Variants in BEND4 observed in about 807,000 individuals in gnomAD.
BEND4 encodes BEN domain-containing protein 4.
BEND4 carries 27 observed loss-of-function variants against 54.7 expected under a neutral mutation model. The ratio of observed to expected loss-of-function variants is 0.49; its 90% CI spans 0.36 to 0.68. The LOEUF is 0.68. BEND4 is among the 30% of genes least tolerant of loss of function. The pLI, the probability that BEND4 is intolerant of heterozygous loss-of-function variation, is 0.00. For synonymous variants in BEND4, 327 were observed against 299.5 expected (o/e 1.09, Z -0.95); for missense variants, 702 against 697.2 (o/e 1.01, Z -0.08).
At chr4:42,121,335 C>T (rs918933073) in intron 4 of BEND4, among the ~76,000 whole-genome samples, 12 of 152,152 alleles carry the variant, frequency 7.9e-5, no homozygotes, top group East Asian at 3.9e-4. Context: ...GAAACCGGCA[C>T]GGAGTTCTGC....
intron 3 of BEND4, among the ~76,000 whole-genome samples, chr4:42,133,650 C>T (rs1199864408): frequency 6.6e-6 from 1 of 151,744 alleles, no homozygotes; most frequent in Admixed American, 6.5e-5. Context: ...GTCAGGAGAT[C>T]GAGACCATCC....
At chr4:42,151,454 G>C in intron 2 of BEND4, 1 of 416,224 alleles carries the variant, frequency 2.4e-6, no homozygotes, top group Non-Finnish European at 4.0e-6. Context: ...CCTGTTAGGC[G>C]CGCGCCGTCG....
In BEND4 at chr4:42,111,057, AG is replaced by A. The variant is rs1719539785; in HGVS notation, c.*6460del. ...TAGAACACCTGAAATAATTGGCTCT[AG>A]TAACAAATGTCTCTTATAATTAAAA... On this transcript the variant is annotated 3_prime_UTR_variant, in exon 6 of 6. Transcript: ENST00000502486. The A allele has an allele frequency of 6.6e-6, 1 of 152,240 alleles. No individual in the cohort carries two copies. The allele number at this position is 152,240 out of a possible 1,614,324, so 9.4% of individuals were successfully genotyped here.
chr4:42,138,230 G>T (rs528961737), intron 3 of BEND4, among the ~76,000 whole-genome samples: 3 of 152,266 alleles, frequency 2.0e-5, no homozygotes, highest in South Asian at 2.1e-4. Flanking sequence ...TATATTATTG[G>T]ATAGAGTATT....
rs1192218395 is a variant in BEND4 at position 42,117,418 on chromosome 4, GGCA to G, written c.*97_*99del. On this transcript the variant is annotated 3_prime_UTR_variant, in exon 6 of 6. Transcript: ENST00000502486. ...TGGCAGCTGAGAATGTGTAGACTAT[GGCA>G]GAATGACAGGCTTTGGACTCTCAGG... 2.8e-5 allele frequency: 23 copies of G among 822,150 alleles called. No individual in the cohort carries two copies. The highest frequency in any genetic ancestry group is 4.3e-5 in the Non-Finnish European group (22 of 516,302). The allele number at this position is 822,150 out of a possible 1,614,324, so 50.9% of individuals were successfully genotyped here. A position where few individuals can be genotyped will look rare whatever the true frequency, so the allele number is the denominator to read the frequency against.
intron 2 of BEND4, among the ~76,000 whole-genome samples, chr4:42,149,530 C>G (rs537507443): frequency 6.6e-6 from 1 of 152,238 alleles, no homozygotes; most frequent in African/African-American, 2.4e-5. Flanking sequence ...TCTATGACCT[C>G]CTTAAAAACA....
rs1720242467 is a variant in BEND4 at position 42,125,579 on chromosome 4, C to T, written c.1146+4G>A. ...GAACATTCACCTTTTTACCAGAGAC[C>T]TACCTCTGTCGGCTGGTCAGCTGGC... On this transcript the variant is annotated splice_donor_region_variant and intron_variant, in intron 4 of 5. Transcript: ENST00000502486. 2 of 1,609,530 alleles carry T rather than the reference C, an allele frequency of 1.2e-6. No homozygotes were observed. Among genetic ancestry groups the T allele is most frequent in the South Asian group, 2.2e-5 (2 of 90,978 alleles).
chr4:42,125,207 C>A (rs143710788), intron 4 of BEND4, among the ~76,000 whole-genome samples: 16 of 152,300 alleles, frequency 1.1e-4, no homozygotes, highest in African/African-American at 3.8e-4. Flanking sequence ...CCTATCTGCA[C>A]ACTGAAGAAT....
rs1719883808 is a variant in BEND4 at position 42,117,453 on chromosome 4, G to C, written c.*65C>G. 3 of 1,167,172 alleles carry C rather than the reference G, an allele frequency of 2.6e-6. No homozygotes were observed. Among genetic ancestry groups the C allele is most frequent in the East Asian group, 2.5e-5 (1 of 39,624 alleles). The allele number at this position is 1,167,172 out of a possible 1,614,324, so 72.3% of individuals were successfully genotyped here. A position where few individuals can be genotyped will look rare whatever the true frequency, so the allele number is the denominator to read the frequency against. On this transcript the variant is annotated 3_prime_UTR_variant, in exon 6 of 6. Transcript: ENST00000502486. ...CAGGCTTTGGACTCTCAGGTGACAGGAACAGGACATTCACAATTGGAACTC... is the reference window on the plus strand; with the variant it reads ...CAGGCTTTGGACTCTCAGGTGACAGCAACAGGACATTCACAATTGGAACTC...
At chr4:42,147,887 T>C (rs903649847) in intron 2 of BEND4, among the ~76,000 whole-genome samples, 1 of 152,134 alleles carries the variant, frequency 6.6e-6, no homozygotes, top group Admixed American at 6.5e-5. Flanking sequence ...CGCCCCTCTT[T>C]GTAAGTAAAG....
chr4:42,143,358 TACAC>T (rs1209276556), intron 3 of BEND4, 66 bp downstream of exon 3: 2 of 1,328,010 alleles, frequency 1.5e-6, no homozygotes, highest in East Asian at 2.5e-5. Context: ...AGTACAGAAA[TACAC>T]AGACAGATGA....
At chr4:42,138,552 A>G (rs1163396250) in intron 3 of BEND4, among the ~76,000 whole-genome samples, 3 of 152,196 alleles carry the variant, frequency 2.0e-5, no homozygotes, top group Non-Finnish European at 2.9e-5. Flanking sequence ...ACTTGAGATT[A>G]AGGCTATCGA....
At chr4:42,122,924 C>T (rs548085548) in intron 4 of BEND4, among the ~76,000 whole-genome samples, 1 of 152,212 alleles carries the variant, frequency 6.6e-6, no homozygotes, top group Non-Finnish European at 1.5e-5. Flanking sequence ...TTTGCTGTGC[C>T]CCTGAAAATG....
At chr4:42,142,148 GC>G (rs569133774) in intron 3 of BEND4, among the ~76,000 whole-genome samples, 2 of 150,956 alleles carry the variant, frequency 1.3e-5, no homozygotes, top group Admixed American at 6.6e-5. Context: ...CTTGTGATCC[GC>G]CCCCCCTCGG....
intron 4 of BEND4, among the ~76,000 whole-genome samples, chr4:42,121,195 T>C (rs1219548235): frequency 1.3e-5 from 2 of 152,314 alleles, no homozygotes; most frequent in Non-Finnish European, 2.9e-5. Flanking sequence ...GCAAATTTAC[T>C]ACAGGTTATA....
At chr4:42,126,163 T>C (rs1194743785) in intron 3 of BEND4, among the ~76,000 whole-genome samples, 1 of 152,216 alleles carries the variant, frequency 6.6e-6, no homozygotes, top group African/African-American at 2.4e-5. Context: ...TGCTATAGTT[T>C]GGAAAGAATT....
In BEND4 at chr4:42,152,290, C is replaced by CCGG. The variant is rs1474870871; in HGVS notation, c.-148_-147insCCG. ...GTCTGTGCCGTGGCCGCCGCCGCCG[C>CCGG]CGCCTGTCGCTGAGGCTGGCATCGC... On this transcript the variant is annotated 5_prime_UTR_variant, in exon 2 of 6. Transcript: ENST00000502486. The CCGG allele has an allele frequency of 5.1e-6, 4 of 779,776 alleles. No individual in the cohort carries two copies. In the African/African-American group the frequency reaches 7.3e-5, roughly 14 times the overall value. The allele number at this position is 779,776 out of a possible 1,614,324, so 48.3% of individuals were successfully genotyped here.
Position 42,150,717 on chromosome 4 carries a change from C to G in BEND4, c.487+940G>C, listed in dbSNP as rs550731316. Among the ~76,000 whole-genome samples, 61 of 152,358 alleles carry G rather than the reference C, an allele frequency of 4.0e-4. No individual in the cohort carries two copies. In the Middle Eastern group the frequency reaches 0.014, roughly 34 times the overall value. The stretch of plus-strand genomic sequence containing the variant: ...CTGTGGCCTCGCAACCAGCCCATCT[C>G]GCTCCCTGCAGGCAGGCAGTGGGCT... On this transcript the variant is annotated intron_variant, in intron 2 of 5. Transcript: ENST00000502486.
chr4:42,121,973 G>C (rs1720081607), intron 4 of BEND4, among the ~76,000 whole-genome samples: 2 of 152,134 alleles, frequency 1.3e-5, no homozygotes, highest in Non-Finnish European at 2.9e-5. Flanking sequence ...GAGAGGAACA[G>C]GCTCCTAAGG....
Sources: gnomAD v4.1 joint callset for allele counts (sites outside exome capture counted in the v4.1 genomes callset) on GRCh38, gnomAD v4.1.1 for gene constraint, MANE v1.5 for transcripts, NCBI Gene and HGNC (gene_info 2026-07-23, HGNC 2026-07-21) for gene names.